Variants in KCNH5 observed in about 807,000 individuals in gnomAD.
KCNH5 encodes the protein potassium voltage-gated channel subfamily H member 5.
Under a neutral mutation model 96.1 loss-of-function variants are expected in KCNH5, and 46 were observed. That is an observed-to-expected ratio of 0.48 (90% confidence interval 0.38 to 0.61). The LOEUF (loss-of-function observed/expected upper bound fraction) is 0.61, where lower values mean the gene tolerates loss of function less well. KCNH5 is among the 20% of genes least tolerant of loss of function. The pLI, the probability that KCNH5 is intolerant of heterozygous loss-of-function variation, is 0.00. For synonymous variants in KCNH5, 439 were observed against 449.8 expected, an observed-to-expected ratio of 0.98 and a Z score of 0.30; for missense variants, 907 against 1,225.8, an observed-to-expected ratio of 0.74 and a Z score of 3.88.
At chr14:62,803,137 C>A (rs1886699198) in intron 8 of KCNH5, among the ~76,000 whole-genome samples, 1 of 152,086 alleles carries the variant, frequency 6.6e-6, no homozygotes, top group Non-Finnish European at 1.5e-5. Flanking sequence ...AGTGACAGAG[C>A]AAGACCTTAT....
chr14:62,994,289 A>G (rs950688080), intron 4 of KCNH5, among the ~76,000 whole-genome samples: 3 of 152,042 alleles, frequency 2.0e-5, no homozygotes, highest in Non-Finnish European at 4.4e-5. Context: ...TTTTTGTCAC[A>G]ATTATTGGCA....
rs183973503 is a variant in KCNH5, at chr14:62,718,916, C to T, written c.2020-10461G>A. ...AGACACATAATGCAATGTAGAGAAACCTGGAAAACATCATGCTAAGTGAGA... is the reference window on the plus strand; with the variant it reads ...AGACACATAATGCAATGTAGAGAAATCTGGAAAACATCATGCTAAGTGAGA... On this transcript the variant is annotated intron_variant, in intron 10 of 10. Transcript: ENST00000322893. Among the ~76,000 whole-genome samples, 353 of 152,134 alleles carry T rather than the reference C, an allele frequency of 2.3e-3. 1 individual carries two copies. The highest frequency in any genetic ancestry group is 8.2e-3 in the African/African-American group (339 of 41,492).
chr14:62,781,441 T>C (rs1418215048), intron 9 of KCNH5, among the ~76,000 whole-genome samples: 1 of 152,184 alleles, frequency 6.6e-6, no homozygotes, highest in Non-Finnish European at 1.5e-5. Context: ...CAAAATTTAC[T>C]AGGCGGGAAT....
At chr14:62,870,229 A>T (rs1009942923) in intron 7 of KCNH5, among the ~76,000 whole-genome samples, 14 of 152,238 alleles carry the variant, frequency 9.2e-5, no homozygotes, top group African/African-American at 3.4e-4. Context: ...TTTGACACAC[A>T]TACATGGAAA....
chr14:62,735,923 C>G (rs868807255), intron 10 of KCNH5, among the ~76,000 whole-genome samples: 1 of 152,214 alleles, frequency 6.6e-6, no homozygotes, highest in African/African-American at 2.4e-5. Context: ...AGTGATCCCT[C>G]TACCAGCCCA....
intron 6 of KCNH5, among the ~76,000 whole-genome samples, chr14:62,957,626 T>A (rs932956332): frequency 2.0e-5 from 3 of 152,220 alleles, no homozygotes; most frequent in Non-Finnish European, 2.9e-5. Context: ...CAACAGAATG[T>A]GATATAAATG....
chr14:62,853,458 T>TATATATATATATATATATATATA (rs1555360130), intron 7 of KCNH5, among the ~76,000 whole-genome samples: 3 of 43,972 alleles, frequency 6.8e-5, no homozygotes, highest in African/African-American at 2.3e-4. Context: ...AGAATAATCA[T>TATATATATATATATATATATATA]ATATATATAT....
intron 1 of KCNH5, among the ~76,000 whole-genome samples, chr14:63,033,011 AT>A (rs1352272963): frequency 1.3e-5 from 2 of 151,956 alleles, no homozygotes; most frequent in East Asian, 3.9e-4. Context: ...CCATTACTAG[AT>A]CCTAATAATG....
intron 7 of KCNH5, among the ~76,000 whole-genome samples, chr14:62,862,804 T>C (rs1888063801): frequency 6.6e-6 from 1 of 152,198 alleles, no homozygotes; most frequent in African/African-American, 2.4e-5. Context: ...CAGCTAAATG[T>C]AGCTGCCTGA....
chr14:62,862,668 G>C (rs1888060482), intron 7 of KCNH5, among the ~76,000 whole-genome samples: 1 of 152,106 alleles, frequency 6.6e-6, no homozygotes, highest in Non-Finnish European at 1.5e-5. Flanking sequence ...TACTCTCTTA[G>C]GATGCTGCCT....
intron 10 of KCNH5, among the ~76,000 whole-genome samples, chr14:62,748,500 C>T (rs1885426332): frequency 6.6e-6 from 1 of 152,130 alleles, no homozygotes; most frequent in South Asian, 2.1e-4. Flanking sequence ...GTCATGGCCC[C>T]ATTTTCCCAG....
At chr14:62,861,054 A>C (rs79771570) in intron 7 of KCNH5, among the ~76,000 whole-genome samples, 2,485 of 152,292 alleles carry the variant, frequency 0.016, 64 homozygotes, top group African/African-American at 0.057. Context: ...ATTTTTCAAA[A>C]TCTATAGTTA....
At chr14:62,849,186 CAT>C (rs1261466154) in intron 8 of KCNH5, among the ~76,000 whole-genome samples, 7 of 152,090 alleles carry the variant, frequency 4.6e-5, no homozygotes, top group African/African-American at 1.7e-4. Context: ...CTTTATAAAA[CAT>C]ATGAGACAGG....
intron 10 of KCNH5, among the ~76,000 whole-genome samples, chr14:62,772,113 A>C (rs73271194): frequency 0.042 from 6,412 of 152,228 alleles, 343 homozygotes; most frequent in African/African-American, 0.12. Context: ...ACAACAACAA[A>C]AAAAACACAT....
At chr14:62,811,920 A>G (rs1206518517) in intron 8 of KCNH5, among the ~76,000 whole-genome samples, 1 of 152,142 alleles carries the variant, frequency 6.6e-6, no homozygotes, top group Non-Finnish European at 1.5e-5. Flanking sequence ...ATCCATCAGC[A>G]AAAACTCTTA....
intron 6 of KCNH5, among the ~76,000 whole-genome samples, chr14:62,965,901 G>T (rs191149721): frequency 5.7e-4 from 87 of 152,228 alleles, no homozygotes; most frequent in African/African-American, 1.9e-3. Flanking sequence ...AAGAAGAAGT[G>T]ATTCTAAAAT....
intron 9 of KCNH5, among the ~76,000 whole-genome samples, chr14:62,796,474 C>T (rs539847527): frequency 2.0e-5 from 3 of 152,160 alleles, no homozygotes; most frequent in African/African-American, 4.8e-5. Context: ...CCAAACCATA[C>T]ATAAACAAGC....
At chr14:62,794,456 C>G (rs1886498562) in intron 9 of KCNH5, among the ~76,000 whole-genome samples, 1 of 151,518 alleles carries the variant, frequency 6.6e-6, no homozygotes, top group Non-Finnish European at 1.5e-5. Flanking sequence ...AATTAAAATC[C>G]TGTACCCACC....
intron 6 of KCNH5, among the ~76,000 whole-genome samples, chr14:62,956,525 T>G (rs1890107382): frequency 6.6e-6 from 1 of 151,796 alleles, no homozygotes. Flanking sequence ...CAAAAAAATG[T>G]TATGGAAAAC....
Sources: allele counts gnomAD v4.1 joint callset (sites outside exome capture counted in the v4.1 genomes callset), GRCh38; gene constraint gnomAD v4.1.1; transcripts MANE v1.5; gene names NCBI Gene and HGNC (gene_info 2026-07-23, HGNC 2026-07-21).